Variants in GALNT13 observed in about 807,000 individuals in gnomAD.
GALNT13 encodes UDP-GalNAc:polypeptide N-acetylgalactosaminyltransferase 13.
GALNT13 carries 28 observed loss-of-function variants against 64.2 expected under a neutral mutation model. That is an observed-to-expected ratio of 0.44 (90% CI 0.32 to 0.60). The LOEUF (loss-of-function observed/expected upper bound fraction) is 0.60, where lower values mean the gene tolerates loss of function less well. Among genes scored for constraint, GALNT13 ranks in the 20% least tolerant of loss-of-function variants. The pLI is 0.05. For missense variants in GALNT13, 577 were observed against 669.8 expected (o/e 0.86, Z 1.53); for synonymous variants, 214 against 224.6 (o/e 0.95, Z 0.42).
At chr2:154,152,954 C>T (rs1684145510) in intron 4 of GALNT13, among the ~76,000 whole-genome samples, 1 of 152,206 alleles carries the variant, frequency 6.6e-6, no homozygotes, top group Non-Finnish European at 1.5e-5. Context: ...CTCCGTCCAG[C>T]TTTGTTCCAT....
At chr2:154,296,409 T>A (rs1340791778) in intron 8 of GALNT13, among the ~76,000 whole-genome samples, 1 of 152,180 alleles carries the variant, frequency 6.6e-6, no homozygotes. Context: ...AATACCAGTC[T>A]CTCCATTCAG....
chr2:154,090,705 TTCCTC>T (rs1403870524), intron 3 of GALNT13, among the ~76,000 whole-genome samples: 2 of 152,040 alleles, frequency 1.3e-5, no homozygotes, highest in Admixed American at 1.3e-4. Flanking sequence ...GAAAATAACT[TTCCTC>T]TATTAGGATA....
At chr2:154,012,279 T>C (rs1574326398) in intron 3 of GALNT13, among the ~76,000 whole-genome samples, 1 of 152,354 alleles carries the variant, frequency 6.6e-6, no homozygotes, top group East Asian at 1.9e-4. Flanking sequence ...TGAATTCTCT[T>C]AGTACTTGCT....
At chr2:153,105,179 C>G in the GALNT13 span, among the ~76,000 whole-genome samples, 1 of 151,668 alleles carries the variant, frequency 6.6e-6, no homozygotes, top group African/African-American at 2.4e-5. Flanking sequence ...CCACCATGAT[C>G]AAGTGGGCTT....
intron 1 of GALNT13, among the ~76,000 whole-genome samples, chr2:153,874,090 T>G (rs982876661): frequency 1.6e-5 from 2 of 127,244 alleles, no homozygotes; most frequent in Admixed American, 8.7e-5. Context: ...CGCACCCCCC[T>G]CCCGCAATCT....
At chr2:153,619,519 T>G in the GALNT13 span, among the ~76,000 whole-genome samples, 374 of 152,270 alleles carry the variant, frequency 2.5e-3, 3 homozygotes, top group African/African-American at 8.3e-3. Context: ...TTTTATACCT[T>G]CAAGTGATTA....
chr2:153,414,209 A>G, the GALNT13 span, among the ~76,000 whole-genome samples: 2 of 151,916 alleles, frequency 1.3e-5, no homozygotes, highest in Non-Finnish European at 2.9e-5. Flanking sequence ...CCCCGTCTCT[A>G]CTAAAAAATA....
At chr2:153,926,522 AT>A (rs1690147114) in intron 2 of GALNT13, among the ~76,000 whole-genome samples, 2 of 152,266 alleles carry the variant, frequency 1.3e-5, no homozygotes, top group East Asian at 3.9e-4. Context: ...TTTTAAAATA[AT>A]TTCACATTTG....
At chr2:153,725,077 C>CT in the GALNT13 span, among the ~76,000 whole-genome samples, 1 of 149,272 alleles carries the variant, frequency 6.7e-6, no homozygotes, top group Non-Finnish European at 1.5e-5. Flanking sequence ...CAATGATAGA[C>CT]TGGATTAAGA....
At chr2:153,325,129 T>G in the GALNT13 span, among the ~76,000 whole-genome samples, 2 of 146,646 alleles carry the variant, frequency 1.4e-5, no homozygotes, top group African/African-American at 5.1e-5. Context: ...TTTTTTTTTT[T>G]TTTTTTTTTT....
chr2:153,082,660 CACACAT>C, the GALNT13 span, among the ~76,000 whole-genome samples: 17 of 90,002 alleles, frequency 1.9e-4, no homozygotes, highest in Non-Finnish European at 8.2e-5. Context: ...CACACACACA[CACACAT>C]ATATATAATT....
At chr2:153,647,365 G>A in the GALNT13 span, among the ~76,000 whole-genome samples, 1 of 152,050 alleles carries the variant, frequency 6.6e-6, no homozygotes, top group Non-Finnish European at 1.5e-5. Context: ...CTGGATATTA[G>A]CCCTTTGTCA....
chr2:153,228,381 AT>A, the GALNT13 span, among the ~76,000 whole-genome samples: 3 of 152,004 alleles, frequency 2.0e-5, no homozygotes, highest in Non-Finnish European at 2.9e-5. Flanking sequence ...CCTGCATTTA[AT>A]TTTTTTTGGC....
At chr2:153,543,962 A>C in the GALNT13 span, among the ~76,000 whole-genome samples, 1 of 152,152 alleles carries the variant, frequency 6.6e-6, no homozygotes, top group Non-Finnish European at 1.5e-5. Flanking sequence ...CCGTTTATAA[A>C]GGGCTGCAGC....
the GALNT13 span, among the ~76,000 whole-genome samples, chr2:153,438,776 TC>T: frequency 6.6e-6 from 1 of 152,144 alleles, no homozygotes; most frequent in Non-Finnish European, 1.5e-5. Flanking sequence ...TCAGACTTCC[TC>T]CTTTAGCTCA....
the GALNT13 span, among the ~76,000 whole-genome samples, chr2:153,427,606 C>G: frequency 7.9e-5 from 12 of 152,032 alleles, no homozygotes; most frequent in African/African-American, 2.7e-4. Context: ...AAGGAAAAGA[C>G]AAGTTAAAGT....
At chr2:154,288,148 A>G (rs1017065460) in intron 8 of GALNT13, among the ~76,000 whole-genome samples, 7 of 152,206 alleles carry the variant, frequency 4.6e-5, no homozygotes, top group Admixed American at 4.6e-4. Flanking sequence ...GTGACATCTT[A>G]CATGGAGGCA....
At chr2:153,195,644 A>G in the GALNT13 span, among the ~76,000 whole-genome samples, 15 of 152,216 alleles carry the variant, frequency 9.9e-5, no homozygotes, top group African/African-American at 3.6e-4. Flanking sequence ...TGGGCACCCC[A>G]AAGGGCCACA....
chr2:153,421,766 TA>T, the GALNT13 span: 1 of 219,674 alleles, frequency 4.6e-6, no homozygotes. Context: ...TCCAGGTTTA[TA>T]AACACTGCCC....
Sources: allele counts gnomAD v4.1 joint callset (sites outside exome capture counted in the v4.1 genomes callset), GRCh38; gene constraint gnomAD v4.1.1; transcripts MANE v1.5; gene names NCBI Gene and HGNC (gene_info 2026-07-23, HGNC 2026-07-21).